ENTPD1: variants seen among roughly 807,000 people sequenced by gnomAD.
ENTPD1 encodes the protein ATP diphosphohydrolase.
ENTPD1 carries 33 observed loss-of-function variants against 57.0 expected under a neutral mutation model. That is an observed-to-expected ratio of 0.58 (90% CI 0.44 to 0.77). ENTPD1 has a LOEUF of 0.77. Ranked by LOEUF, ENTPD1 falls within the 30% of genes least tolerant of loss-of-function variation. ENTPD1 has a pLI of 0.00. For synonymous variants in ENTPD1, 202 were observed against 218.8 expected (o/e 0.92, Z 0.68); for missense variants, 501 against 603.4 (o/e 0.83, Z 1.78).
chr10:95,824,364 T>C (rs1394781886), intron 2 of ENTPD1, among the ~76,000 whole-genome samples: 1 of 152,224 alleles, frequency 6.6e-6, no homozygotes, highest in African/African-American at 2.4e-5. Context: ...TGGTTGTGTA[T>C]GCCAGGCCTC....
chr10:95,756,059 A>C, upstream of ENTPD1: 1 of 1,488,306 alleles, frequency 6.7e-7, no homozygotes, highest in Non-Finnish European at 8.9e-7. Context: ...TAGTCAATGA[A>C]AAAGACAGGG....
chr10:95,857,925 G>A (rs565192700), intron 7 of ENTPD1, among the ~76,000 whole-genome samples: 34 of 152,328 alleles, frequency 2.2e-4, no homozygotes, highest in African/African-American at 7.9e-4. Flanking sequence ...ACTTTGGGAG[G>A]CCGACGCGGG....
Position 95,861,887 on chromosome 10 carries a change from T to C in ENTPD1, c.1188+1305T>C, listed in dbSNP as rs181067599. 3.1e-4 allele frequency among the ~76,000 whole-genome samples: 47 copies of C among 152,128 alleles called. No individual in the cohort carries two copies. The East Asian group carries it at 8.1e-3, about 26-fold the overall frequency. Reference sequence around the variant, plus strand: ...GGTGGGCACCTGTAGTCCCAGCTACTTGGGAGGCTGAAGCAGGAGAATGGC... The same window carrying C: ...GGTGGGCACCTGTAGTCCCAGCTACCTGGGAGGCTGAAGCAGGAGAATGGC... On this transcript the variant is annotated intron_variant, in intron 8 of 9. Coordinates refer to ENST00000371205, the MANE Select transcript of ENTPD1 (RefSeq NM_001776.6).
intron 1 of ENTPD1, among the ~76,000 whole-genome samples, chr10:95,746,244 G>A (rs2098005921): frequency 6.6e-6 from 1 of 152,166 alleles, no homozygotes; most frequent in Admixed American, 6.6e-5. Flanking sequence ...CCCTTACTGA[G>A]TGCCACCTAT....
the ENTPD1 span, among the ~76,000 whole-genome samples, chr10:95,701,959 T>A: frequency 2.0e-5 from 3 of 152,114 alleles, no homozygotes; most frequent in East Asian, 1.9e-4. Flanking sequence ...TTTTATTTTT[T>A]AAAAAGAAAT....
intron 1 of ENTPD1, among the ~76,000 whole-genome samples, chr10:95,796,103 C>T (rs2098224866): frequency 6.6e-6 from 1 of 152,178 alleles, no homozygotes; most frequent in Admixed American, 6.5e-5. Context: ...ATATATACCT[C>T]CACTTTTTTG....
chr10:95,814,596 G>T (rs967571868), intron 1 of ENTPD1, among the ~76,000 whole-genome samples: 16 of 152,076 alleles, frequency 1.1e-4, no homozygotes, highest in African/African-American at 3.4e-4. Flanking sequence ...CACCAAATAG[G>T]CTCTCCCCAC....
intron 1 of ENTPD1, among the ~76,000 whole-genome samples, chr10:95,815,304 T>C (rs762766515): frequency 2.0e-5 from 3 of 152,254 alleles, no homozygotes; most frequent in Non-Finnish European, 4.4e-5. Context: ...ATCAAATCCC[T>C]GTTCTGCCAC....
chr10:95,858,156 CAAA>C (rs35825117), intron 7 of ENTPD1, among the ~76,000 whole-genome samples: 1 of 110,024 alleles, frequency 9.1e-6, no homozygotes, highest in Non-Finnish European at 1.9e-5. Context: ...GACTCCATCT[CAAA>C]AAAAAAAAAA....
At chr10:95,762,575 G>A (rs988230093) in intron 1 of ENTPD1, among the ~76,000 whole-genome samples, 1 of 152,102 alleles carries the variant, frequency 6.6e-6, no homozygotes, top group Non-Finnish European at 1.5e-5. Context: ...CTTTGTTAGC[G>A]TAATTTTTAT....
At chr10:95,755,873 AAGAG>A (rs2098021167), upstream of ENTPD1, 1 of 1,520,542 alleles carries the variant, frequency 6.6e-7, no homozygotes, top group Non-Finnish European at 8.8e-7. Context: ...TTCTATAACG[AAGAG>A]AGGGAGAGAG....
chr10:95,823,145 C>A, intron 1 of ENTPD1, 92 bp from the exon 2 acceptor site: 1 of 1,496,338 alleles, frequency 6.7e-7, no homozygotes, highest in Non-Finnish European at 9.3e-7. Context: ...CTGATGTCTC[C>A]AGGTAGCCAT....
At chr10:95,707,890 C>T (rs1218969366), upstream of ENTPD1, among the ~76,000 whole-genome samples, 1 of 152,162 alleles carries the variant, frequency 6.6e-6, no homozygotes, top group Non-Finnish European at 1.5e-5. Flanking sequence ...CAGGTGTGAG[C>T]CACCTCTCCT....
Position 95,866,185 on chromosome 10 carries a change from C to T in ENTPD1, c.1335C>T (p.Gly445=). The change falls in exon 10 of 10, where the codon GGC becomes GGT. Residue 445 remains glycine (G), a synonymous_variant. Transcript: ENST00000371205. Reference sequence around the variant, plus strand: ...TTCCCCACTGTTTGCAGATCCAGGGCAGCGACGCCGGCTGGACTTTGGGCT... The same window carrying T: ...TTCCCCACTGTTTGCAGATCCAGGGTAGCGACGCCGGCTGGACTTTGGGCT... The part of the protein sequence containing the change: ...EHIHFIGKIQ[G]SDAGWTLGYM... The T allele has an allele frequency of 1.2e-6, 2 of 1,613,570 alleles. No individual in the cohort carries two copies. The highest frequency in any genetic ancestry group is 2.2e-5 in the South Asian group (2 of 90,976).
At chr10:95,702,531 A>G in the ENTPD1 span, among the ~76,000 whole-genome samples, 1 of 152,072 alleles carries the variant, frequency 6.6e-6, no homozygotes, top group Non-Finnish European at 1.5e-5. Context: ...CTGATATGTA[A>G]TTGGGCCCCA....
At chr10:95,703,793 A>G in the ENTPD1 span, among the ~76,000 whole-genome samples, 1 of 143,526 alleles carries the variant, frequency 7.0e-6, no homozygotes, top group African/African-American at 2.6e-5. Context: ...AAAAAAAAAA[A>G]AAAAAAAAAA....
At chr10:95,811,586 C>T (rs2098307966) in intron 1 of ENTPD1, among the ~76,000 whole-genome samples, 1 of 152,210 alleles carries the variant, frequency 6.6e-6, no homozygotes, top group South Asian at 2.1e-4. Flanking sequence ...TAGGGTCTCT[C>T]CCTATGTTGC....
At position 95,727,454 on chromosome 10, in the gene ENTPD1, G is replaced by T. The variant is rs532595160; in HGVS notation, c.37+15461G>T. ...AACTTATATGTGATTCATATTTTTC[G>T]ATCATAAAGATTTGTTTCATTTATT... On this transcript the variant is annotated intron_variant, in intron 1 of 9. Coordinates refer to the ENTPD1 transcript ENST00000453258. Among the ~76,000 whole-genome samples the T allele has an allele frequency of 7.2e-5, 11 of 152,102 alleles. No individual in the cohort carries two copies. In the South Asian group the frequency reaches 2.3e-3, roughly 32 times the overall value.
intron 8 of ENTPD1, chr10:95,861,379 A>G (rs2098465049): frequency 6.6e-6 from 1 of 152,228 alleles, no homozygotes; most frequent in South Asian, 2.1e-4. Context: ...ATCCACTCCG[A>G]TTATAAAAGA....
Sources: gnomAD v4.1 joint callset for allele counts (sites outside exome capture counted in the v4.1 genomes callset) on GRCh38, gnomAD v4.1.1 for gene constraint, MANE v1.5 for transcripts, NCBI Gene and HGNC (gene_info 2026-07-23, HGNC 2026-07-21) for gene names.